Variants in FAM13B observed in about 807,000 individuals in gnomAD.
FAM13B encodes the protein protein FAM13B.
Under a neutral mutation model 117.3 loss-of-function variants are expected in FAM13B, and 60 were observed. The ratio of observed to expected loss-of-function variants is 0.51; its 90% confidence interval spans 0.42 to 0.63. The LOEUF (loss-of-function observed/expected upper bound fraction) is 0.63. FAM13B is among the 30% of genes least tolerant of loss of function. FAM13B has a pLI of 0.00. For missense variants in FAM13B, 972 were observed against 1,091.9 expected, an observed-to-expected ratio of 0.89 and a Z score of 1.55; for synonymous variants, 332 against 356.1, an observed-to-expected ratio of 0.93 and a Z score of 0.76.
intron 1 of FAM13B, among the ~76,000 whole-genome samples, chr5:138,025,531 G>A (rs1336065671): frequency 6.6e-6 from 1 of 151,738 alleles, no homozygotes; most frequent in Non-Finnish European, 1.5e-5. Flanking sequence ...TCAAGAAAGT[G>A]CATCTTCATA....
chr5:138,043,768 A>ATC lies in FAM13B; in HGVS notation c.-203+8108_-203+8109dup, dbSNP rs565509625. Among the ~76,000 whole-genome samples, 13 of 151,216 alleles carry ATC rather than the reference A, an allele frequency of 8.6e-5. No individual in the cohort carries two copies. The South Asian group carries it at 1.7e-3, about 20-fold the overall frequency. The stretch of plus-strand genomic sequence containing the variant: ...TTTTTCTTTTTTTAACAGAAATGGG[A>ATC]TCTCTCTCTGTTGCCCAGGCTGGTC... On this transcript the variant is annotated intron_variant, in intron 1 of 3. Coordinates refer to the FAM13B transcript ENST00000502471.
At chr5:138,024,690 C>T (rs550185763) in intron 1 of FAM13B, among the ~76,000 whole-genome samples, 79 of 151,638 alleles carry the variant, frequency 5.2e-4, no homozygotes, top group African/African-American at 1.6e-3. Flanking sequence ...GTCGAGAAAG[C>T]AGTTCAATAA....
At position 137,994,954 on chromosome 5, in the gene FAM13B, C is replaced by T. The variant is rs115575976; in HGVS notation, c.849-6639G>A. On this transcript the variant is annotated intron_variant, in intron 7 of 23. Coordinates refer to ENST00000689681, the MANE Select transcript of FAM13B (RefSeq NM_001385994.1). ...AATTGTAAATATTTAATGCTACAAACGATATTTCAATAAAAGTATTGCAGT... is the reference window on the plus strand; with the variant it reads ...AATTGTAAATATTTAATGCTACAAATGATATTTCAATAAAAGTATTGCAGT... 7.1e-3 allele frequency among the ~76,000 whole-genome samples: 1,084 copies of T among 152,208 alleles called. 14 individuals carry two copies. Among genetic ancestry groups the T allele is most frequent in the African/African-American group, 0.023 (972 of 41,520 alleles).
At chr5:138,006,474 T>C (rs1253032387) in intron 7 of FAM13B, among the ~76,000 whole-genome samples, 2 of 152,224 alleles carry the variant, frequency 1.3e-5, no homozygotes, top group Non-Finnish European at 2.9e-5. Context: ...TCCTAAATAG[T>C]GTGCCCAGTG....
At chr5:138,051,065 C>T (rs1791786807) in intron 1 of FAM13B, among the ~76,000 whole-genome samples, 1 of 152,090 alleles carries the variant, frequency 6.6e-6, no homozygotes, top group African/African-American at 2.4e-5. Flanking sequence ...TCACCCTAAT[C>T]TTCCTCTACT....
chr5:137,965,592 C>T (rs1769468081), intron 10 of FAM13B, among the ~76,000 whole-genome samples: 1 of 152,178 alleles, frequency 6.6e-6, no homozygotes, highest in South Asian at 2.1e-4. Context: ...TACATATCTC[C>T]ACTCCATTCT....
chr5:138,023,926 C>A (rs1306721785), intron 1 of FAM13B, among the ~76,000 whole-genome samples: 1 of 152,168 alleles, frequency 6.6e-6, no homozygotes, highest in Non-Finnish European at 1.5e-5. Flanking sequence ...TTCCAGAGGG[C>A]AGGCCTATGG....
At position 137,954,358 on chromosome 5, in the gene FAM13B, T is replaced by G; in HGVS notation, c.1526A>C (p.Lys509Thr). Residue 509 changes from lysine to threonine, a missense_variant, in exon 15 of 24, where the codon AAG (lysine) becomes ACG (threonine). Transcript: ENST00000689681. ...RDGEEPFPAF[K>T]SWQEDSESGE... The stretch of plus-strand genomic sequence containing the variant: ...AGACTCAGAGTCCTCCTGCCAAGAC[T>G]TAAAAGCAGGAAATGGCTCTATAAA... 15 of 1,613,328 alleles carry G rather than the reference T, an allele frequency of 9.3e-6. No individual in the cohort carries two copies. The highest frequency in any genetic ancestry group is 1.3e-5 in the Non-Finnish European group (15 of 1,179,600).
At chr5:137,983,843 T>C (rs539069044) in intron 10 of FAM13B, among the ~76,000 whole-genome samples, 1 of 152,280 alleles carries the variant, frequency 6.6e-6, no homozygotes, top group African/African-American at 2.4e-5. Flanking sequence ...TTGGCCAAAG[T>C]CACACTGATA....
intron 10 of FAM13B, among the ~76,000 whole-genome samples, chr5:137,984,775 T>TC (rs1400391440): frequency 6.6e-6 from 1 of 150,984 alleles, no homozygotes; most frequent in Non-Finnish European, 1.5e-5. Flanking sequence ...TGTTTTTTTT[T>TC]TTCTTTTTTT....
chr5:137,966,035 T>C (rs921219734), intron 10 of FAM13B, among the ~76,000 whole-genome samples: 9 of 152,036 alleles, frequency 5.9e-5, no homozygotes, highest in African/African-American at 1.2e-4. Flanking sequence ...TCAAAATCTA[T>C]AGTGAATAAT....
chr5:137,989,335 C>A (rs1051542103), intron 7 of FAM13B, among the ~76,000 whole-genome samples: 3 of 152,350 alleles, frequency 2.0e-5, no homozygotes, highest in Admixed American at 6.5e-5. Flanking sequence ...TCATGTCTCT[C>A]AGTAGCGAAG....
intron 7 of FAM13B, among the ~76,000 whole-genome samples, chr5:137,991,010 G>A (rs1778478654): frequency 6.6e-6 from 1 of 151,896 alleles, no homozygotes; most frequent in South Asian, 2.1e-4. Flanking sequence ...TATCAAAAAG[G>A]GTTTATCAAA....
chr5:137,956,451 A>AG (rs397716719), intron 14 of FAM13B, 26 bp downstream of exon 14: 1 of 1,534,342 alleles, frequency 6.5e-7, no homozygotes, highest in South Asian at 1.3e-5. Context: ...AGGCAAAAAA[A>AG]CTAAACTATG....
intron 4 of FAM13B, among the ~76,000 whole-genome samples, chr5:138,012,421 A>C (rs1244409511): frequency 6.6e-6 from 1 of 152,194 alleles, no homozygotes; most frequent in South Asian, 2.1e-4. Flanking sequence ...AGTAAAAAGA[A>C]GGAAAGAAAA....
chr5:138,028,574 A>C (rs1157328468), intron 1 of FAM13B, among the ~76,000 whole-genome samples: 1 of 152,206 alleles, frequency 6.6e-6, no homozygotes, highest in Non-Finnish European at 1.5e-5. Context: ...TAGATTGTGA[A>C]CTTTGACCAT....
chr5:137,943,713 C>G (rs552403232), intron 20 of FAM13B, among the ~76,000 whole-genome samples: 1 of 151,984 alleles, frequency 6.6e-6, no homozygotes, highest in Non-Finnish European at 1.5e-5. Context: ...CCACCACACT[C>G]CAGCCTGGGC....
intron 10 of FAM13B, among the ~76,000 whole-genome samples, chr5:137,967,172 C>T (rs1770255014): frequency 6.7e-6 from 1 of 150,272 alleles, no homozygotes; most frequent in Non-Finnish European, 1.5e-5. Context: ...AGTCAAAAGA[C>T]AAAAAACTGG....
rs1264771649 is a variant in FAM13B at position 138,010,982 on chromosome 5, T to G, written c.690+26A>C. The stretch of plus-strand genomic sequence containing the variant: ...TAAAAAAAAAAAAAAAAAAAAAAAT[T>G]ATCCCTCCAAATAGAATATTCTCAC... On this transcript the variant is annotated intron_variant, in intron 6 of 23. Transcript: ENST00000689681. 2.4e-6 allele frequency: 3 copies of G among 1,275,164 alleles called. No homozygotes were observed. In the East Asian group the frequency reaches 8.8e-5, roughly 38 times the overall value. The allele number at this position is 1,275,164 out of a possible 1,614,324, so 79.0% of individuals were successfully genotyped here.
Sources: gnomAD v4.1 joint callset for allele counts (sites outside exome capture counted in the v4.1 genomes callset) on GRCh38, gnomAD v4.1.1 for gene constraint, MANE v1.5 for transcripts, NCBI Gene and HGNC (gene_info 2026-07-23, HGNC 2026-07-21) for gene names.